DOCK3: variants seen among roughly 807,000 people sequenced by gnomAD.
The protein encoded by DOCK3 is dedicator of cytokinesis protein 3.
Under a neutral mutation model 265.6 loss-of-function variants are expected in DOCK3, and 60 were observed. The observed-to-expected ratio is 0.23, with a 90% CI of 0.18 to 0.28. The LOEUF (loss-of-function observed/expected upper bound fraction) is 0.28, where lower values mean the gene tolerates loss of function less well. Ranked by LOEUF, DOCK3 falls within the 10% of genes least tolerant of loss-of-function variation. DOCK3 has a pLI of 1.00. For missense variants in DOCK3, 1,981 were observed against 2,594.3 expected (o/e 0.76, Z 5.14); for synonymous variants, 881 against 938.0 (o/e 0.94, Z 1.11).
intron 37 of DOCK3, among the ~76,000 whole-genome samples, chr3:51,339,626 C>G (rs1448494297): frequency 2.6e-5 from 4 of 152,186 alleles, no homozygotes; most frequent in African/African-American, 9.6e-5. Context: ...AAGGCCTTTT[C>G]TAACTAGAAC....
At chr3:51,020,822 G>A (rs1207963337) in intron 5 of DOCK3, among the ~76,000 whole-genome samples, 2 of 151,776 alleles carry the variant, frequency 1.3e-5, no homozygotes, top group Non-Finnish European at 2.9e-5. Flanking sequence ...TGTTCCATGG[G>A]TCTATGTGTC....
intron 10 of DOCK3, among the ~76,000 whole-genome samples, chr3:51,147,753 G>C (rs1268510738): frequency 1.3e-5 from 2 of 152,138 alleles, no homozygotes; most frequent in Non-Finnish European, 2.9e-5. Flanking sequence ...GTGGACATTT[G>C]GGTTGGTTCT....
chr3:51,251,480 T>A (rs2079234373), intron 22 of DOCK3, among the ~76,000 whole-genome samples: 1 of 152,192 alleles, frequency 6.6e-6, no homozygotes, highest in Admixed American at 6.5e-5. Flanking sequence ...AATTTACACT[T>A]CCACCAACAG....
intron 3 of DOCK3, among the ~76,000 whole-genome samples, chr3:50,847,194 G>T (rs2046125408): frequency 6.6e-6 from 1 of 152,064 alleles, no homozygotes; most frequent in African/African-American, 2.4e-5. Context: ...TTATTTTAAA[G>T]AGTTTTTTGA....
At chr3:50,686,255 A>G (rs2034789058) in intron 1 of DOCK3, among the ~76,000 whole-genome samples, 1 of 152,128 alleles carries the variant, frequency 6.6e-6, no homozygotes, top group African/African-American at 2.4e-5. Flanking sequence ...TTTGGTTGCC[A>G]TCACTGCAGA....
At position 50,897,119 on chromosome 3, in the gene DOCK3, A is replaced by C. The variant is rs778775221; in HGVS notation, c.218+7038A>C. Among the ~76,000 whole-genome samples, 8 of 152,188 alleles carry C rather than the reference A, an allele frequency of 5.3e-5. No individual in the cohort carries two copies. In the South Asian group the frequency reaches 6.2e-4, roughly 12 times the overall value. ...ATACTGATTCTTCCTATCCATGAGC[A>C]TGGAATATTTTTCCATTTGTTTGTG... On this transcript the variant is annotated intron_variant, in intron 4 of 52. Transcript: ENST00000266037.
chr3:50,787,101 T>A, intron 2 of DOCK3: 2 of 719,344 alleles, frequency 2.8e-6, no homozygotes, highest in Non-Finnish European at 5.2e-6. Flanking sequence ...CTTGAACGAT[T>A]TATTACAGGC....
intron 1 of DOCK3, among the ~76,000 whole-genome samples, chr3:50,760,582 C>G (rs1179712364): frequency 6.6e-6 from 1 of 152,054 alleles, no homozygotes; most frequent in African/African-American, 2.4e-5. Context: ...GTGTTTTGAG[C>G]ATGTTTAAAA....
chr3:51,021,882 C>T (rs750692975), intron 5 of DOCK3, among the ~76,000 whole-genome samples: 7 of 151,850 alleles, frequency 4.6e-5, no homozygotes, highest in Non-Finnish European at 8.8e-5. Flanking sequence ...AGGCTGGTCT[C>T]GAACTCCTGA....
chr3:51,045,182 T>G (rs1575866735), intron 5 of DOCK3, among the ~76,000 whole-genome samples: 1 of 152,278 alleles, frequency 6.6e-6, no homozygotes, highest in African/African-American at 2.4e-5. Context: ...GATGCATGAC[T>G]CTTGTTTTCC....
chr3:51,221,320 G>C (rs563558994), intron 14 of DOCK3, among the ~76,000 whole-genome samples: 134 of 152,236 alleles, frequency 8.8e-4, no homozygotes, highest in African/African-American at 3.1e-3. Context: ...AGTGTAGTGT[G>C]GCTGTTCTTC....
intron 49 of DOCK3, among the ~76,000 whole-genome samples, chr3:51,368,452 C>G (rs1560516921): frequency 6.6e-6 from 1 of 152,212 alleles, no homozygotes; most frequent in Non-Finnish European, 1.5e-5. Flanking sequence ...GAGCCTCTCT[C>G]ACTGCTAGCA....
chr3:51,264,292 C>T (rs2080031041), intron 23 of DOCK3, among the ~76,000 whole-genome samples: 1 of 152,170 alleles, frequency 6.6e-6, no homozygotes, highest in Non-Finnish European at 1.5e-5. Context: ...AACTGAACAA[C>T]CTGCTCCTGA....
chr3:50,958,415 G>A (rs916983747), intron 5 of DOCK3, among the ~76,000 whole-genome samples: 1 of 152,096 alleles, frequency 6.6e-6, no homozygotes, highest in Non-Finnish European at 1.5e-5. Flanking sequence ...ATATCTGCTT[G>A]TGTGTACCAC....
chr3:50,908,046 T>G (rs987636028), intron 4 of DOCK3, among the ~76,000 whole-genome samples: 2 of 152,226 alleles, frequency 1.3e-5, no homozygotes, highest in South Asian at 2.1e-4. Context: ...GGTTAGTATT[T>G]CTGTGCGATC....
At chr3:51,239,199 T>TTGTATTTATTTATTTA (rs1553805832) in intron 21 of DOCK3, among the ~76,000 whole-genome samples, 2 of 146,616 alleles carry the variant, frequency 1.4e-5, no homozygotes, top group Non-Finnish European at 3.0e-5. Context: ...AAAGCGTACT[T>TTGTATTTATTTATTTA]TTTATTTATT....
At chr3:50,837,217 T>C (rs2045562514) in intron 2 of DOCK3, among the ~76,000 whole-genome samples, 1 of 152,250 alleles carries the variant, frequency 6.6e-6, no homozygotes, top group Admixed American at 6.5e-5. Context: ...CTTCCACATT[T>C]TTGGGTATCC....
chr3:50,718,145 A>G (rs2037244982), intron 1 of DOCK3, among the ~76,000 whole-genome samples: 2 of 152,128 alleles, frequency 1.3e-5, no homozygotes, highest in African/African-American at 4.8e-5. Flanking sequence ...TTATCAGGGC[A>G]TATAACCTTT....
intron 9 of DOCK3, among the ~76,000 whole-genome samples, chr3:51,093,179 T>C (rs945811261): frequency 3.3e-5 from 5 of 152,202 alleles, no homozygotes; most frequent in African/African-American, 1.2e-4. Flanking sequence ...TTTGGTTCCA[T>C]ATGAAATTTA....
Sources: allele counts gnomAD v4.1 joint callset (sites outside exome capture counted in the v4.1 genomes callset), GRCh38; gene constraint gnomAD v4.1.1; transcripts MANE v1.5; gene names NCBI Gene and HGNC (gene_info 2026-07-23, HGNC 2026-07-21).